The following WIPF2 variants were observed in gnomAD, a reference collection of about 807,000 sequenced individuals.
WIPF2 encodes the protein WAS/WASL interacting protein family member 2.
Under a neutral mutation model 38.8 loss-of-function variants are expected in WIPF2, and 23 were observed. The ratio of observed to expected loss-of-function variants is 0.59; its 90% CI spans 0.43 to 0.84. The LOEUF (loss-of-function observed/expected upper bound fraction) is 0.84. WIPF2 is among the 40% of genes least tolerant of loss of function. The pLI, the probability that WIPF2 is intolerant of heterozygous loss-of-function variation, is 0.00. For synonymous variants in WIPF2, 210 were observed against 223.2 expected, an observed-to-expected ratio of 0.94 and a Z score of 0.53; for missense variants, 574 against 580.5, an observed-to-expected ratio of 0.99 and a Z score of 0.11.
chr17:40,229,349 C>T (rs752713256), intron 1 of WIPF2, among the ~76,000 whole-genome samples: 9 of 152,012 alleles, frequency 5.9e-5, no homozygotes, highest in Admixed American at 3.9e-4. Flanking sequence ...TCAGGTGATC[C>T]GCCCACCTCG....
chr17:40,260,179 C>CTTTTTTTT (rs34757828), intron 2 of WIPF2, among the ~76,000 whole-genome samples: 5 of 101,060 alleles, frequency 4.9e-5, no homozygotes, highest in Non-Finnish European at 7.9e-5. Context: ...ATAAAGGGAA[C>CTTTTTTTT]TTTTTTTTTT....
chr17:40,250,500 C>T (rs996836096), intron 1 of WIPF2, among the ~76,000 whole-genome samples: 5 of 151,426 alleles, frequency 3.3e-5, no homozygotes, highest in African/African-American at 1.2e-4. Flanking sequence ...CCGCCCACCT[C>T]GGCCTCCCAA....
At position 40,232,179 on chromosome 17, in the gene WIPF2, A is replaced by ATTTTTTTTTTTTTT. The variant is rs752876006; in HGVS notation, c.-70+12702_-70+12715dup. Among the ~76,000 whole-genome samples, 15 of 76,052 alleles carry ATTTTTTTTTTTTTT rather than the reference A, an allele frequency of 2.0e-4. 2 individuals carry two copies. Among genetic ancestry groups the ATTTTTTTTTTTTTT allele is most frequent in the African/African-American group, 5.5e-4 (8 of 14,506 alleles). The allele number at this position is 76,052 out of a possible 152,430, so 49.9% of individuals were successfully genotyped here. On this transcript the variant is annotated intron_variant, in intron 1 of 7. Transcript: ENST00000323571. ...AGGCACATGCCACCATGCCTGGCTA[A>ATTTTTTTTTTTTTT]TTTTTTTTTTTTTTTTTTTTTTTTT...
chr17:40,258,831 G>T (rs1257674267), intron 2 of WIPF2, among the ~76,000 whole-genome samples: 1 of 151,374 alleles, frequency 6.6e-6, no homozygotes, highest in Non-Finnish European at 1.5e-5. Flanking sequence ...CCAGGCTGGA[G>T]TGCAGTGGTT....
rs1243313631 is a variant in WIPF2 at position 40,264,550 on chromosome 17, C to A, written c.374C>A (p.Pro125His). 2 of 1,614,024 alleles carry A rather than the reference C, an allele frequency of 1.2e-6. No homozygotes were observed. The highest frequency in any genetic ancestry group is 8.5e-7 in the Non-Finnish European group (1 of 1,180,044). The change falls in exon 5 of 8, where the codon CCT becomes CAT. Residue 125 changes from proline to histidine, a missense_variant. By Grantham distance (77) the Pro-to-His change is moderately conservative. Coordinates refer to ENST00000323571, the MANE Select transcript of WIPF2 (RefSeq NM_133264.5). ...AGTTCTCGAGCTGCTGCCCCAAGGC[C>A]TCCAGTATCTGCCGCCAGCGGGCGT... ...IPSSRAAAPR[P>H]PVSAASGRPQ... is the part of the protein sequence containing the mutation.
At chr17:40,230,963 T>G (rs768266425) in intron 1 of WIPF2, among the ~76,000 whole-genome samples, 6 of 152,180 alleles carry the variant, frequency 3.9e-5, no homozygotes, top group Non-Finnish European at 7.3e-5. Flanking sequence ...AGTGTTTTTA[T>G]CTGCAAGTGT....
rs1179411815 is a variant in WIPF2, at chr17:40,264,700, C to T, written c.524C>T (p.Ser175Phe). 2.5e-6 allele frequency: 4 copies of T among 1,612,968 alleles called. No homozygotes were observed. Among genetic ancestry groups the T allele is most frequent in the Admixed American group, 3.3e-5 (2 of 59,914 alleles). The change falls in exon 5 of 8, where the codon TCT (serine) becomes TTT (phenylalanine). Residue 175 changes from serine to phenylalanine, a missense_variant. Coordinates refer to ENST00000323571, the MANE Select transcript of WIPF2 (RefSeq NM_133264.5). ...TSSTGMKHSS[S>F]APPPPPPGRR... ...AGTACGGGCATGAAGCACAGCTCCT[C>T]TGCCCCTCCCCCACCACCCCCAGGG...
intron 7 of WIPF2, 26 bp from the exon 8 acceptor site, chr17:40,278,159 G>T (rs772805955): frequency 2.5e-6 from 4 of 1,608,062 alleles, no homozygotes; most frequent in Non-Finnish European, 3.4e-6. Context: ...CTGTATGTGT[G>T]TGGTCTTTAT....
Position 40,264,802 on chromosome 17 carries a change from T to C in WIPF2, c.626T>C (p.Leu209Ser). 6.2e-7 allele frequency: 1 copy of C among 1,612,632 alleles called. No homozygotes were observed. The highest frequency in any genetic ancestry group is 8.5e-7 in the Non-Finnish European group (1 of 1,179,608). ...KAPAYNREKP[L>S]PPTPGQRLHP... ...CCCGCCTACAACAGAGAGAAACCCT[T>C]GCCACCGACGCCTGGACAAAGGCTT... Residue 209 changes from leucine to serine, a missense_variant, in exon 5 of 8, where the codon TTG becomes TCG. Coordinates refer to ENST00000323571, the MANE Select transcript of WIPF2 (RefSeq NM_133264.5).
At chr17:40,239,888 G>C (rs1287486488) in intron 1 of WIPF2, among the ~76,000 whole-genome samples, 1 of 151,194 alleles carries the variant, frequency 6.6e-6, no homozygotes, top group Non-Finnish European at 1.5e-5. Context: ...ATAGAGGTGG[G>C]GTTTTACCAT....
intron 1 of WIPF2, among the ~76,000 whole-genome samples, chr17:40,236,253 GTCAA>G (rs1246722011): frequency 6.6e-6 from 1 of 151,972 alleles, no homozygotes; most frequent in African/African-American, 2.4e-5. Flanking sequence ...ACAGGCATGA[GTCAA>G]CTGTGCCCAG....
intron 1 of WIPF2, among the ~76,000 whole-genome samples, chr17:40,225,588 T>C (rs529753411): frequency 6.6e-6 from 1 of 152,318 alleles, no homozygotes; most frequent in South Asian, 2.1e-4. Flanking sequence ...GTAAATACTC[T>C]CTTGTTTTTC....
At chr17:40,254,048 A>C (rs1598485063) in intron 1 of WIPF2, among the ~76,000 whole-genome samples, 1 of 146,532 alleles carries the variant, frequency 6.8e-6, no homozygotes. Flanking sequence ...ACAGAGTCTC[A>C]CTCTGTCATC....
chr17:40,277,916 G>T (rs1261256002), intron 7 of WIPF2, among the ~76,000 whole-genome samples: 1 of 151,866 alleles, frequency 6.6e-6, no homozygotes, highest in Non-Finnish European at 1.5e-5. Context: ...AGTAGAGACT[G>T]GGTTTTGCCT....
intron 4 of WIPF2, 62 bp downstream of exon 4, chr17:40,262,703 G>A (rs1210462096): frequency 1.4e-6 from 2 of 1,407,038 alleles, no homozygotes; most frequent in African/African-American, 2.8e-5. Context: ...TGTCCCAAGT[G>A]GGCCATCTCA....
rs558344687 is a variant in WIPF2, at chr17:40,262,763, G to A, written c.313+122G>A. Reference sequence around the variant, plus strand: ...GGGGAAGAAAGACTTGGGAGTAGGGGAGGAGTTATAGAATAGAATACAGCA... The same window carrying A: ...GGGGAAGAAAGACTTGGGAGTAGGGAAGGAGTTATAGAATAGAATACAGCA... On this transcript the variant is annotated intron_variant, in intron 4 of 7. Transcript: ENST00000323571. 4.2e-5 allele frequency: 32 copies of A among 758,942 alleles called. No individual in the cohort carries two copies. The African/African-American group carries it at 4.8e-4, about 11-fold the overall frequency. 47.0% of individuals were successfully genotyped at this position (758,942 alleles called of 1,614,324 possible). A position where few individuals can be genotyped will look rare whatever the true frequency, so the allele number is the denominator to read the frequency against.
At chr17:40,224,495 C>G (rs1160988192) in intron 1 of WIPF2, among the ~76,000 whole-genome samples, 3 of 151,094 alleles carry the variant, frequency 2.0e-5, no homozygotes, top group Non-Finnish European at 4.4e-5. Flanking sequence ...ATCCACCCGC[C>G]TCGGCCTCCC....
chr17:40,234,454 A>AC (rs1374794637), intron 1 of WIPF2, among the ~76,000 whole-genome samples: 2 of 151,944 alleles, frequency 1.3e-5, no homozygotes, highest in Non-Finnish European at 2.9e-5. Context: ...CAAACAAACA[A>AC]AAAAAACAAC....
intron 1 of WIPF2, among the ~76,000 whole-genome samples, chr17:40,255,176 A>G (rs1218126041): frequency 6.6e-6 from 1 of 152,146 alleles, no homozygotes; most frequent in Admixed American, 6.6e-5. Flanking sequence ...CTCAACAATA[A>G]AAAAGCAAAA....
Sources: gnomAD v4.1 joint callset for allele counts (sites outside exome capture counted in the v4.1 genomes callset) on GRCh38, gnomAD v4.1.1 for gene constraint, MANE v1.5 for transcripts, NCBI Gene and HGNC (gene_info 2026-07-23, HGNC 2026-07-21) for gene names.